The following ZBTB47 variants were observed in gnomAD, a reference collection of about 807,000 sequenced individuals.
ZBTB47 encodes zinc finger and BTB domain containing 47.
In ZBTB47, 24 loss-of-function variants were observed where a neutral mutation model predicts 56.6. That is an observed-to-expected ratio of 0.42 (90% confidence interval 0.31 to 0.60). The LOEUF is 0.60. ZBTB47 is among the 20% of genes least tolerant of loss of function. ZBTB47 has a pLI of 0.14. For missense variants in ZBTB47, 829 were observed against 1,032.6 expected, an observed-to-expected ratio of 0.80 and a Z score of 2.70; for synonymous variants, 414 against 418.9, an observed-to-expected ratio of 0.99 and a Z score of 0.14.
At position 42,659,139 on chromosome 3, in the gene ZBTB47, G is replaced by T. The variant is rs1351901897; in HGVS notation, c.784G>T (p.Ala262Ser). 2 of 1,504,450 alleles carry T rather than the reference G, an allele frequency of 1.3e-6. No homozygotes were observed. Among genetic ancestry groups the T allele is most frequent in the Non-Finnish European group, 1.8e-6 (2 of 1,129,964 alleles). The allele number at this position is 1,504,450 out of a possible 1,614,324, so 93.2% of individuals were successfully genotyped here. The change falls in exon 2 of 6, where the codon GCC becomes TCC. Residue 262 changes from alanine (A) to serine (S), a missense_variant. Ala to Ser is a moderately conservative substitution (Grantham distance 99). Transcript: ENST00000232974. ...EGKPGAGPSP[A>S]TVVLGREDGL... ...GAAGCCAGGTGCCGGGCCAAGCCCA[G>T]CCACCGTGGTTCTGGGCCGGGAGGA...
In ZBTB47 at chr3:42,664,694, C is replaced by T; in HGVS notation, c.*96C>T. On this transcript the variant is annotated 3_prime_UTR_variant, in exon 6 of 6. Coordinates refer to ENST00000232974, the MANE Select transcript of ZBTB47 (RefSeq NM_145166.4). ...TCCCGGGGAGCACAGTAGTGCGGGCCTGGGCCCTGCTCCACCTCCAGAAGT... is the reference window on the plus strand; with the variant it reads ...TCCCGGGGAGCACAGTAGTGCGGGCTTGGGCCCTGCTCCACCTCCAGAAGT... 7.7e-7 allele frequency: 1 copy of T among 1,304,700 alleles called. No individual in the cohort carries two copies. 80.8% of individuals were successfully genotyped at this position (1,304,700 alleles called of 1,614,324 possible). A position where few individuals can be genotyped will look rare whatever the true frequency, so the allele number is the denominator to read the frequency against.
chr3:42,661,460 G>A (rs1710720642), intron 2 of ZBTB47, 25 bp from the exon 3 acceptor site: 1 of 1,610,520 alleles, frequency 6.2e-7, no homozygotes, highest in Non-Finnish European at 8.5e-7. Context: ...CAGGACCCAG[G>A]GCCTCAAGTC....
In ZBTB47 at chr3:42,658,914, C is replaced by A; in HGVS notation, c.559C>A (p.Pro187Thr). 5 of 1,500,996 alleles carry A rather than the reference C, an allele frequency of 3.3e-6. No homozygotes were observed. The highest frequency in any genetic ancestry group is 1.3e-5 in the South Asian group (1 of 77,958). The allele number at this position is 1,500,996 out of a possible 1,614,324, so 93.0% of individuals were successfully genotyped here. A position where few individuals can be genotyped will look rare whatever the true frequency, so the allele number is the denominator to read the frequency against. Residue 187 changes from proline (P) to threonine (T), a missense_variant, in exon 2 of 6, where the codon CCC becomes ACC. This residue lies in a region of ZBTB47 where 359 missense variants were observed against 359.8 expected (regional missense o/e 1.00). Coordinates refer to ENST00000232974, the MANE Select transcript of ZBTB47 (RefSeq NM_145166.4). ...TVPATIGPAQPFFKEEKEGGV... is the reference protein window; with the variant it reads ...TVPATIGPAQTFFKEEKEGGV... Reference sequence around the variant, plus strand: ...GCCTGCCACCATTGGGCCAGCCCAGCCCTTCTTTAAGGAGGAGAAGGAGGG... The same window carrying A: ...GCCTGCCACCATTGGGCCAGCCCAGACCTTCTTTAAGGAGGAGAAGGAGGG...
intron 3 of ZBTB47, among the ~76,000 whole-genome samples, chr3:42,662,624 A>G (rs778414294): frequency 6.6e-6 from 1 of 152,100 alleles, no homozygotes; most frequent in Non-Finnish European, 1.5e-5. Context: ...GTCCCTTTTT[A>G]TAGGAGAGGA....
chr3:42,655,035 G>T (rs1710623006), intron 1 of ZBTB47, among the ~76,000 whole-genome samples: 1 of 152,090 alleles, frequency 6.6e-6, no homozygotes, highest in Non-Finnish European at 1.5e-5. Context: ...CTGGGCCTTG[G>T]GCCACGTGGG....
At position 42,656,424 on chromosome 3, in the gene ZBTB47, G is replaced by A. The variant is rs1710643055; in HGVS notation, c.-81-1851G>A. Among the ~76,000 whole-genome samples the A allele has an allele frequency of 2.0e-5, 3 of 152,144 alleles. No individual in the cohort carries two copies. Among genetic ancestry groups the A allele is most frequent in the African/African-American group, 7.2e-5 (3 of 41,420 alleles). ...TCGGTTTCTCCATCTGTGTAGTAGG[G>A]GTTGGTCCCAGAAGATGAATCAGAA... On this transcript the variant is annotated intron_variant, in intron 1 of 5. Transcript: ENST00000232974. This position sits in a 1 kb window ranked among gnomAD's most constrained non-coding sequence, Gnocchi z 5.8.
chr3:42,664,225 C>T lies in ZBTB47; in HGVS notation c.1883-12C>T. ...CCTCACTGACGCCCTGCTGCCCACC[C>T]CCAACCCCCAGGAGAGAAGCCGTAC... On this transcript the variant is annotated splice_polypyrimidine_tract_variant and intron_variant, in intron 5 of 5. Transcript: ENST00000232974. 2 of 1,613,092 alleles carry T rather than the reference C, an allele frequency of 1.2e-6. No individual in the cohort carries two copies. Among genetic ancestry groups the T allele is most frequent in the Non-Finnish European group, 1.7e-6 (2 of 1,179,500 alleles).
In ZBTB47 at chr3:42,654,743, C is replaced by T. The variant is rs1423984366; in HGVS notation, c.-82+860C>T. 10 of 984,650 alleles carry T rather than the reference C, an allele frequency of 1.0e-5. No individual in the cohort carries two copies. Among genetic ancestry groups the T allele is most frequent in the Non-Finnish European group, 1.2e-5 (10 of 829,376 alleles). 61.0% of individuals were successfully genotyped at this position (984,650 alleles called of 1,614,324 possible). On this transcript the variant is annotated intron_variant, in intron 1 of 5. Coordinates refer to ENST00000232974, the MANE Select transcript of ZBTB47 (RefSeq NM_145166.4). This position sits in a 1 kb window ranked among gnomAD's most constrained non-coding sequence, Gnocchi z 5.0. Reference sequence around the variant, plus strand: ...CCCCGCTTATCCGCCCACCTGCCAGCTCTGACCTCCCAGGCACACGGCCCG... The same window carrying T: ...CCCCGCTTATCCGCCCACCTGCCAGTTCTGACCTCCCAGGCACACGGCCCG...
In ZBTB47 at chr3:42,665,171, C is replaced by T. The variant is rs1422027897; in HGVS notation, c.*573C>T. On this transcript the variant is annotated 3_prime_UTR_variant, in exon 6 of 6. Transcript: ENST00000232974. ...ACTGAGGCAGGGCCTGAGACTGGAC[C>T]TGGGTGAGCGTGGGGGGTGGAGGGT... The T allele has an allele frequency of 6.5e-6, 1 of 152,822 alleles. No homozygotes were observed. Among genetic ancestry groups the T allele is most frequent in the African/African-American group, 2.4e-5 (1 of 41,458 alleles). The allele number at this position is 152,822 out of a possible 1,614,324, so 9.5% of individuals were successfully genotyped here.
At position 42,664,341 on chromosome 3, in the gene ZBTB47, G is replaced by A; in HGVS notation, c.1987G>A (p.Asp663Asn). 11 of 1,612,994 alleles carry A rather than the reference G, an allele frequency of 6.8e-6. No homozygotes were observed. The highest frequency in any genetic ancestry group is 9.3e-6 in the Non-Finnish European group (11 of 1,179,622). Reference protein sequence around the residue: ...THTGEKPYPCDVCGQRFRFSN... With the variant: ...THTGEKPYPCNVCGQRFRFSN... The stretch of plus-strand genomic sequence containing the variant: ...CACGGGCGAGAAGCCGTACCCGTGC[G>A]ACGTGTGTGGCCAGCGCTTCCGCTT... The change falls in exon 6 of 6, where the codon GAC (aspartate) becomes AAC (asparagine). Residue 663 changes from aspartate (D) to asparagine (N), a missense_variant. Asp to Asn is a conservative substitution (Grantham distance 23, BLOSUM62 1). Transcript: ENST00000232974.
Position 42,654,392 on chromosome 3 carries a change from G to T in ZBTB47, c.-82+509G>T, listed in dbSNP as rs1710610129. On this transcript the variant is annotated intron_variant, in intron 1 of 5. Transcript: ENST00000232974. This position sits in a 1 kb window ranked among gnomAD's most constrained non-coding sequence, Gnocchi z 5.0. ...ACCACGCGTGTCCGCGCCCCCCGCC[G>T]GCACGCAGGCGGCCTGGCCCTTTAA... 2 of 151,542 alleles carry T rather than the reference G, an allele frequency of 1.3e-5. No homozygotes were observed. The highest frequency in any genetic ancestry group is 3.9e-4 in the East Asian group (2 of 5,116). 9.4% of individuals were successfully genotyped at this position (151,542 alleles called of 1,614,324 possible). A position where few individuals can be genotyped will look rare whatever the true frequency, so the allele number is the denominator to read the frequency against.
chr3:42,659,819 C>T lies in ZBTB47; in HGVS notation c.1464C>T (p.Arg488=). 1.2e-6 allele frequency: 2 copies of T among 1,604,450 alleles called. No individual in the cohort carries two copies. Among genetic ancestry groups the T allele is most frequent in the African/African-American group, 1.3e-5 (1 of 74,942 alleles). ...LLLHRQTDCE[R]NIQCVTCGKA... ...TGCACAGGCAGACAGACTGCGAGCG[C>T]AACATCCAGGTGGGCCTCACGTGGC... The change falls in exon 2 of 6, where the codon CGC becomes CGT. Residue 488 remains arginine, a synonymous_variant. Transcript: ENST00000232974.
rs1186178166 is a variant in ZBTB47 at position 42,654,557 on chromosome 3, C to A, written c.-82+674C>A. On this transcript the variant is annotated intron_variant, in intron 1 of 5. Coordinates refer to ENST00000232974, the MANE Select transcript of ZBTB47 (RefSeq NM_145166.4). This position sits in a 1 kb window ranked among gnomAD's most constrained non-coding sequence, Gnocchi z 5.0. ...CCCTGCGCCTCCGCCTGCCTGGCCG[C>A]GCCCCCGGGGGCCATGGTCGCGGGG... 4 of 403,472 alleles carry A rather than the reference C, an allele frequency of 9.9e-6. No individual in the cohort carries two copies. Among genetic ancestry groups the A allele is most frequent in the Non-Finnish European group, 1.3e-5 (4 of 299,964 alleles). The allele number at this position is 403,472 out of a possible 1,614,324, so 25.0% of individuals were successfully genotyped here. A position where few individuals can be genotyped will look rare whatever the true frequency, so the allele number is the denominator to read the frequency against.
chr3:42,664,137 G>A, intron 5 of ZBTB47, 100 bp from the exon 6 acceptor site: 2 of 1,524,012 alleles, frequency 1.3e-6, no homozygotes, highest in South Asian at 2.6e-5. Context: ...AGAGCGCCGG[G>A]GCTGGGCCCC....
rs1710790242 is a variant in ZBTB47 at position 42,666,456 on chromosome 3, C to G, written c.*1858C>G. Reference sequence around the variant, plus strand: ...TTGATCTTTGGGCTTCCGTGATGTCCTCAGGGTCCCCCCCTCCCTGTTGCT... The same window carrying G: ...TTGATCTTTGGGCTTCCGTGATGTCGTCAGGGTCCCCCCCTCCCTGTTGCT... On this transcript the variant is annotated 3_prime_UTR_variant, in exon 6 of 6. Transcript: ENST00000232974. Among the ~76,000 whole-genome samples the G allele has an allele frequency of 6.6e-6, 1 of 152,180 alleles. No individual in the cohort carries two copies. The highest frequency in any genetic ancestry group is 6.5e-5 in the Admixed American group (1 of 15,284).
intron 3 of ZBTB47, 25 bp downstream of exon 3, chr3:42,661,657 G>C (rs115666928): frequency 6.2e-7 from 1 of 1,612,526 alleles, no homozygotes; most frequent in Admixed American, 1.7e-5. Flanking sequence ...CTGGGGGATG[G>C]AGCCAGAGGA....
At chr3:42,660,213 C>T (rs1414031350) in intron 2 of ZBTB47, among the ~76,000 whole-genome samples, 1 of 152,324 alleles carries the variant, frequency 6.6e-6, no homozygotes, top group Non-Finnish European at 1.5e-5. Flanking sequence ...TTTTAACAAA[C>T]ACGGGGGCTG....
rs1033602587 is a variant in ZBTB47, at chr3:42,660,649, G to A, written c.1473+821G>A. ...AGGTAGGTGGGTGCTAATTGCCTGC[G>A]CTAATTGCTAATTGCAGTGCCCTGT... On this transcript the variant is annotated intron_variant, in intron 2 of 5. Coordinates refer to ENST00000232974, the MANE Select transcript of ZBTB47 (RefSeq NM_145166.4). Among the ~76,000 whole-genome samples, 5 of 152,324 alleles carry A rather than the reference G, an allele frequency of 3.3e-5. No individual in the cohort carries two copies. The East Asian group carries it at 5.8e-4, about 18-fold the overall frequency.
At chr3:42,661,167 C>A (rs557205287) in intron 2 of ZBTB47, among the ~76,000 whole-genome samples, 19 of 152,288 alleles carry the variant, frequency 1.2e-4, no homozygotes, top group African/African-American at 4.3e-4. Flanking sequence ...GTCTGCCTTA[C>A]CTCTATAGAC....
Sources: gnomAD v4.1 joint callset for allele counts (sites outside exome capture counted in the v4.1 genomes callset) on GRCh38, gnomAD v4.1.1 for gene constraint, gnomAD v4.1.1 regional missense constraint, Gnocchi (gnomAD v3.1) non-coding constraint, MANE v1.5 for transcripts, NCBI Gene and HGNC (gene_info 2026-07-23, HGNC 2026-07-21) for gene names.